DNAJC11: variants seen among roughly 807,000 people sequenced by gnomAD.
The protein encoded by DNAJC11 is DnaJ heat shock protein family (Hsp40) member C11, also known as dnaJ homolog subfamily C member 11.
DNAJC11 carries 15 observed loss-of-function variants against 78.6 expected under a neutral mutation model. The ratio of observed to expected loss-of-function variants is 0.19; its 90% confidence interval spans 0.13 to 0.29. DNAJC11 has a LOEUF of 0.29. DNAJC11 is among the 10% of genes least tolerant of loss of function. The pLI, the probability that DNAJC11 is intolerant of heterozygous loss-of-function variation, is 1.00. For synonymous variants in DNAJC11, 292 were observed against 272.1 expected (o/e 1.07, Z -0.72); for missense variants, 547 against 709.6 (o/e 0.77, Z 2.60).
At chr1:6,675,290 A>G (rs1383931266) in intron 3 of DNAJC11, among the ~76,000 whole-genome samples, 1 of 136,574 alleles carries the variant, frequency 7.3e-6, no homozygotes, top group African/African-American at 3.0e-5. Flanking sequence ...TATCCACATG[A>G]AAAAAAAAAA....
At chr1:6,670,816 C>T (rs1642369031) in intron 3 of DNAJC11, 1 of 152,172 alleles carries the variant, frequency 6.6e-6, no homozygotes, top group Non-Finnish European at 1.5e-5. Context: ...CTACAGCACT[C>T]TCACTTGCCA....
At position 6,666,830 on chromosome 1, in the gene DNAJC11, G is replaced by A. The variant is rs191821647; in HGVS notation, c.378+879C>T. On this transcript the variant is annotated intron_variant, in intron 4 of 15. Transcript: ENST00000377577. ...TGGGAGAAGAGGCTGATGGAAGACCGGGGAGCTCCCAGCTCCTTATCATGA... is the reference window on the plus strand; with the variant it reads ...TGGGAGAAGAGGCTGATGGAAGACCAGGGAGCTCCCAGCTCCTTATCATGA... Among the ~76,000 whole-genome samples, 123 of 152,298 alleles carry A rather than the reference G, an allele frequency of 8.1e-4. 1 individual carries two copies. Among genetic ancestry groups the A allele is most frequent in the African/African-American group, 2.6e-3 (110 of 41,570 alleles).
At chr1:6,669,472 T>C (rs1642342606) in intron 3 of DNAJC11, among the ~76,000 whole-genome samples, 1 of 150,146 alleles carries the variant, frequency 6.7e-6, no homozygotes, top group Admixed American at 6.7e-5. Context: ...GATCACGCCA[T>C]TGCACTCCAG....
chr1:6,649,760 T>C (rs1642025428), intron 7 of DNAJC11, among the ~76,000 whole-genome samples: 1 of 150,692 alleles, frequency 6.6e-6, no homozygotes, highest in Non-Finnish European at 1.5e-5. Context: ...TAGGCTGGAG[T>C]ACAGTGGTGT....
Position 6,680,701 on chromosome 1 carries a change from C to T in DNAJC11, c.202+207G>A, listed in dbSNP as rs1205292392. Among the ~76,000 whole-genome samples the T allele has an allele frequency of 6.6e-6, 1 of 152,166 alleles. No individual in the cohort carries two copies. Among genetic ancestry groups the T allele is most frequent in the Admixed American group, 6.5e-5 (1 of 15,272 alleles). On this transcript the variant is annotated intron_variant, in intron 2 of 15. Transcript: ENST00000377577. This position sits in a 1 kb window ranked among gnomAD's most constrained non-coding sequence, Gnocchi z 4.0. ...GACTCTGTCTATTACCTCGCCCGGT[C>T]TCTCATTTTCTACTTACTGGACACG...
Position 6,678,456 on chromosome 1 carries a change from G to A in DNAJC11, c.214C>T (p.Pro72Ser). The change falls in exon 3 of 16, where the codon CCC (proline) becomes TCC (serine). Residue 72 changes from proline to serine, a missense_variant. Coordinates refer to ENST00000377577, the MANE Select transcript of DNAJC11 (RefSeq NM_018198.4). ...ATATCATAGATGGCCCTGGTTTGGG[G>A]GTCACTAAGCACTGCAAATTAAAAA... ...VHQAYEVLSD[P>S]QTRAIYDIYG... 6.2e-7 allele frequency: 1 copy of A among 1,613,550 alleles called. No individual in the cohort carries two copies. The highest frequency in any genetic ancestry group is 1.3e-5 in the African/African-American group (1 of 74,904).
At chr1:6,685,081 T>G (rs956936829) in intron 1 of DNAJC11, among the ~76,000 whole-genome samples, 4 of 152,170 alleles carry the variant, frequency 2.6e-5, no homozygotes, top group Admixed American at 6.5e-5. Context: ...AAGACCAGTT[T>G]GAGCAACATA....
At position 6,634,973 on chromosome 1, in the gene DNAJC11, C is replaced by T. The variant is rs987143764; in HGVS notation, c.*702G>A. The stretch of plus-strand genomic sequence containing the variant: ...CGCTGGTGGCAGGGCGTTTTCCCAC[C>T]GGGATACGGGAAGCCACCTGTGTCA... On this transcript the variant is annotated 3_prime_UTR_variant, in exon 16 of 16. Transcript: ENST00000377577. The T allele has an allele frequency of 2.0e-5, 17 of 861,430 alleles. No homozygotes were observed. Among genetic ancestry groups the T allele is most frequent in the South Asian group, 1.0e-4 (5 of 49,884 alleles). 53.4% of individuals were successfully genotyped at this position (861,430 alleles called of 1,614,324 possible). A position where few individuals can be genotyped will look rare whatever the true frequency, so the allele number is the denominator to read the frequency against.
intron 4 of DNAJC11, among the ~76,000 whole-genome samples, chr1:6,655,194 C>A (rs1284514345): frequency 1.3e-5 from 2 of 152,176 alleles, no homozygotes; most frequent in African/African-American, 2.4e-5. Context: ...ATTATGAATG[C>A]TACTATAAAC....
chr1:6,665,873 C>T (rs992439677), intron 4 of DNAJC11, among the ~76,000 whole-genome samples: 1 of 152,136 alleles, frequency 6.6e-6, no homozygotes, highest in Non-Finnish European at 1.5e-5. Context: ...ATCCCACCTC[C>T]ATCTGCCAAT....
chr1:6,676,173 T>C (rs576661609), intron 3 of DNAJC11, among the ~76,000 whole-genome samples: 6 of 152,240 alleles, frequency 3.9e-5, no homozygotes, highest in African/African-American at 1.4e-4. Context: ...CAGGAGGACA[T>C]GCAGATGAGA....
intron 10 of DNAJC11, among the ~76,000 whole-genome samples, chr1:6,644,218 T>C (rs2148729626): frequency 6.6e-6 from 1 of 151,904 alleles, no homozygotes; most frequent in East Asian, 2.0e-4. Flanking sequence ...CACTGCAACC[T>C]CCGCCTTCGG....
intron 3 of DNAJC11, among the ~76,000 whole-genome samples, chr1:6,674,167 C>G (rs1220941280): frequency 1.3e-5 from 2 of 152,158 alleles, no homozygotes; most frequent in Non-Finnish European, 2.9e-5. Context: ...TAACCAACCT[C>G]AAGAAGTAAA....
chr1:6,667,900 G>A, intron 3 of DNAJC11, 90 bp from the exon 4 acceptor site: 1 of 1,244,420 alleles, frequency 8.0e-7, no homozygotes, highest in East Asian at 2.3e-5. Context: ...ATTTTGGTGT[G>A]TGCATGCTGC....
At chr1:6,695,188 T>C (rs1570318083) in intron 1 of DNAJC11, among the ~76,000 whole-genome samples, 1 of 149,660 alleles carries the variant, frequency 6.7e-6, no homozygotes, top group East Asian at 2.0e-4. Flanking sequence ...AAAGATGGAG[T>C]CTTGCTACGT....
intron 1 of DNAJC11, among the ~76,000 whole-genome samples, chr1:6,692,306 A>G (rs888219524): frequency 2.6e-5 from 4 of 152,034 alleles, no homozygotes; most frequent in African/African-American, 4.8e-5. Context: ...GGCATCCTCA[A>G]CAGCCCCCTC....
At chr1:6,638,437 T>A in intron 11 of DNAJC11, 73 bp from the exon 12 acceptor site, 1 of 1,465,338 alleles carries the variant, frequency 6.8e-7, no homozygotes, top group Non-Finnish European at 9.4e-7. Context: ...GCCCCTCCCG[T>A]GCTGGACCCG....
intron 14 of DNAJC11, among the ~76,000 whole-genome samples, chr1:6,636,976 AC>A (rs1351127936): frequency 6.6e-6 from 1 of 152,084 alleles, no homozygotes. Context: ...AGCCTCCCGA[AC>A]AGCTGGGACA....
At chr1:6,656,762 T>TG (rs1642133445) in intron 4 of DNAJC11, among the ~76,000 whole-genome samples, 1 of 120,786 alleles carries the variant, frequency 8.3e-6, no homozygotes, top group African/African-American at 3.2e-5. Context: ...TAGCTGGGAG[T>TG]GGTGGTATCC....
Sources: allele counts gnomAD v4.1 joint callset (sites outside exome capture counted in the v4.1 genomes callset), GRCh38; gene constraint gnomAD v4.1.1; non-coding constraint Gnocchi (gnomAD v3.1); transcripts MANE v1.5; gene names NCBI Gene and HGNC (gene_info 2026-07-23, HGNC 2026-07-21).